The following SGK1 variants were observed in gnomAD, a reference collection of about 807,000 sequenced individuals.
SGK1 encodes the protein serine/threonine-protein kinase Sgk1.
A neutral mutation model predicts 64.2 loss-of-function variants in SGK1; 26 were observed. The ratio of observed to expected loss-of-function variants is 0.40; its 90% CI spans 0.30 to 0.56. The LOEUF (loss-of-function observed/expected upper bound fraction) is 0.56, where lower values mean the gene tolerates loss of function less well. Ranked by LOEUF, SGK1 falls within the 20% of genes least tolerant of loss-of-function variation. The pLI is 0.38. For missense variants in SGK1, 519 were observed against 645.6 expected, an observed-to-expected ratio of 0.80 and a Z score of 2.12; for synonymous variants, 265 against 239.7, an observed-to-expected ratio of 1.11 and a Z score of -0.98.
At chr6:134,212,391 G>T (rs1775907155) in intron 2 of SGK1, among the ~76,000 whole-genome samples, 1 of 152,128 alleles carries the variant, frequency 6.6e-6, no homozygotes, top group Admixed American at 6.6e-5. Context: ...ACAAAGAACA[G>T]GTCTACTCTC....
At chr6:134,228,933 T>C (rs1261844361) in intron 2 of SGK1, among the ~76,000 whole-genome samples, 1 of 149,866 alleles carries the variant, frequency 6.7e-6, no homozygotes, top group Non-Finnish European at 1.5e-5. Context: ...AAGCTCCGCC[T>C]TCCGGGTTCA....
chr6:134,314,712 T>A (rs1166617128), intron 1 of SGK1, among the ~76,000 whole-genome samples: 1 of 152,064 alleles, frequency 6.6e-6, no homozygotes, highest in Admixed American at 6.5e-5. Context: ...CTCTGGAATG[T>A]CTCAGAAGCA....
intron 1 of SGK1, among the ~76,000 whole-genome samples, chr6:134,263,725 G>A (rs747236313): frequency 1.6e-4 from 25 of 152,200 alleles, no homozygotes; most frequent in Admixed American, 1.2e-3. Context: ...CAAAAATCAA[G>A]GCACTTTTTA....
At chr6:134,239,994 T>C (rs1776418469) in intron 2 of SGK1, among the ~76,000 whole-genome samples, 1 of 151,962 alleles carries the variant, frequency 6.6e-6, no homozygotes, top group Non-Finnish European at 1.5e-5. Flanking sequence ...AAAGCCCTAG[T>C]CAGGAGGGAA....
intron 3 of SGK1, among the ~76,000 whole-genome samples, chr6:134,207,076 A>G (rs917703971): frequency 6.6e-6 from 1 of 151,492 alleles, no homozygotes; most frequent in Non-Finnish European, 1.5e-5. Context: ...ATACAAAAAA[A>G]TTAGCTGGGC....
At chr6:134,245,009 C>G (rs1776505241) in intron 2 of SGK1, among the ~76,000 whole-genome samples, 1 of 152,240 alleles carries the variant, frequency 6.6e-6, no homozygotes, top group Non-Finnish European at 1.5e-5. Flanking sequence ...CTCCTGACCT[C>G]AGGTGATCCA....
chr6:134,316,968 C>T (rs752674120), intron 1 of SGK1, among the ~76,000 whole-genome samples: 1 of 152,092 alleles, frequency 6.6e-6, no homozygotes, highest in Admixed American at 6.6e-5. Flanking sequence ...GATGATAATG[C>T]ATCACTTGAG....
intron 3 of SGK1, among the ~76,000 whole-genome samples, chr6:134,188,171 C>T (rs940587045): frequency 3.3e-5 from 5 of 152,080 alleles, no homozygotes; most frequent in African/African-American, 1.2e-4. Context: ...TACCCCTCTA[C>T]TGAGGTCACC....
At chr6:134,183,848 A>AC (rs1562243390) in intron 3 of SGK1, among the ~76,000 whole-genome samples, 15 of 80,116 alleles carry the variant, frequency 1.9e-4, no homozygotes, top group Non-Finnish European at 2.0e-4. Flanking sequence ...ACCTGTCCCC[A>AC]CCCCACCCCC....
chr6:134,212,300 G>A (rs1219920737), intron 2 of SGK1, among the ~76,000 whole-genome samples: 2 of 152,036 alleles, frequency 1.3e-5, no homozygotes, highest in African/African-American at 4.8e-5. Context: ...TGATCCACCC[G>A]CTTCAGCCTC....
At chr6:134,206,338 GATATATATATATAT>G (rs71003676) in intron 3 of SGK1, among the ~76,000 whole-genome samples, 1,542 of 31,880 alleles carry the variant, frequency 0.048, 26 homozygotes, top group Admixed American at 0.069. Flanking sequence ...TGTACCTGAT[GATATATATATATAT>G]ATATATATAT....
chr6:134,250,395 G>A (rs1031362818), intron 2 of SGK1, among the ~76,000 whole-genome samples: 2 of 152,184 alleles, frequency 1.3e-5, no homozygotes, highest in African/African-American at 2.4e-5. Context: ...TTTTTCAAGA[G>A]ATGATGTCAC....
At chr6:134,206,886 A>C (rs1775796965) in intron 3 of SGK1, among the ~76,000 whole-genome samples, 2 of 98,390 alleles carry the variant, frequency 2.0e-5, no homozygotes, top group Non-Finnish European at 4.9e-5. Flanking sequence ...AAAAAAAACA[A>C]AAAAAAAATT....
chr6:134,263,233 A>G (rs917948128), intron 1 of SGK1, among the ~76,000 whole-genome samples: 1 of 152,110 alleles, frequency 6.6e-6, no homozygotes, highest in Non-Finnish European at 1.5e-5. Flanking sequence ...GCAAATACAT[A>G]TTCACTATTA....
intron 1 of SGK1, among the ~76,000 whole-genome samples, chr6:134,299,472 T>A (rs1183304619): frequency 1.3e-5 from 2 of 151,596 alleles, no homozygotes; most frequent in African/African-American, 4.9e-5. Context: ...AAGTGTGGAG[T>A]AAGGGTGAAA....
chr6:134,210,863 C>T (rs766817992), intron 2 of SGK1, among the ~76,000 whole-genome samples: 17 of 145,920 alleles, frequency 1.2e-4, no homozygotes, highest in East Asian at 8.2e-4. Flanking sequence ...TGGTGGCTCA[C>T]GCCTGTAATC....
chr6:134,173,855 C>G, intron 5 of SGK1, 150 bp downstream of exon 5: 1 of 649,684 alleles, frequency 1.5e-6, no homozygotes, highest in Non-Finnish European at 2.7e-6. Flanking sequence ...TGACTCAATA[C>G]TTAAATATTT....
chr6:134,256,621 T>C (rs142436387), intron 2 of SGK1, among the ~76,000 whole-genome samples: 28 of 152,282 alleles, frequency 1.8e-4, no homozygotes, highest in African/African-American at 6.7e-4. Context: ...AAAAACTACT[T>C]TTGGTCTCCA....
At chr6:134,280,102 G>T (rs1777071458) in intron 1 of SGK1, among the ~76,000 whole-genome samples, 1 of 151,404 alleles carries the variant, frequency 6.6e-6, no homozygotes, top group African/African-American at 2.4e-5. Flanking sequence ...GGCTGAGGTG[G>T]AAGGGTTGCT....
Sources: gnomAD v4.1 joint callset for allele counts (sites outside exome capture counted in the v4.1 genomes callset) on GRCh38, gnomAD v4.1.1 for gene constraint, MANE v1.5 for transcripts, NCBI Gene and HGNC (gene_info 2026-07-23, HGNC 2026-07-21) for gene names.